Variants in GPC5 observed in about 807,000 individuals in gnomAD.
The protein encoded by GPC5 is glypican 5, also known as glypican-5.
A neutral mutation model predicts 53.9 loss-of-function variants in GPC5; 47 were observed. That is an observed-to-expected ratio of 0.87 (90% CI 0.69 to 1.11). The LOEUF (loss-of-function observed/expected upper bound fraction) is 1.11, where lower values mean the gene tolerates loss of function less well. GPC5 is among the 50% of genes most tolerant of loss of function. The probability of loss-of-function intolerance (pLI) is 0.00; values close to 1 mark genes in which losing one functional copy is unlikely to be tolerated. For missense variants in GPC5, 748 were observed against 713.1 expected (o/e 1.05, Z -0.56); for synonymous variants, 286 against 263.3 (o/e 1.09, Z -0.84).
intron 2 of GPC5, among the ~76,000 whole-genome samples, chr13:91,670,323 G>A (rs901059597): frequency 6.6e-6 from 1 of 152,178 alleles, no homozygotes; most frequent in Non-Finnish European, 1.5e-5. Flanking sequence ...AGAGAATTCA[G>A]TGTTGAGTCT....
chr13:92,094,847 A>G (rs1253059722), intron 6 of GPC5, among the ~76,000 whole-genome samples: 2 of 151,922 alleles, frequency 1.3e-5, no homozygotes, highest in Non-Finnish European at 2.9e-5. Context: ...TATTTTAAAT[A>G]TATTACTATA....
At chr13:91,563,902 A>G (rs768062528) in intron 2 of GPC5, among the ~76,000 whole-genome samples, 1 of 151,838 alleles carries the variant, frequency 6.6e-6, no homozygotes, top group African/African-American at 2.4e-5. Flanking sequence ...GGAGGGTCTT[A>G]CTAGTGTTCC....
intron 3 of GPC5, among the ~76,000 whole-genome samples, chr13:91,720,711 C>A (rs1474825677): frequency 1.3e-5 from 2 of 152,128 alleles, no homozygotes; most frequent in Admixed American, 6.5e-5. Context: ...CCAAATATGT[C>A]CAAGAGAGAC....
At chr13:92,764,464 A>AAG in intron 7 of GPC5, among the ~76,000 whole-genome samples, 1 of 152,210 alleles carries the variant, frequency 6.6e-6, no homozygotes, top group African/African-American at 2.4e-5. Context: ...GACTCGAGGC[A>AAG]GCTCCCTCAA....
At chr13:92,441,639 A>G in intron 7 of GPC5, among the ~76,000 whole-genome samples, 1 of 152,180 alleles carries the variant, frequency 6.6e-6, no homozygotes. Context: ...GAGGGGAAAG[A>G]TCTCTATTAC....
chr13:92,102,256 G>T (rs2041473394), intron 6 of GPC5, among the ~76,000 whole-genome samples: 1 of 152,132 alleles, frequency 6.6e-6, no homozygotes, highest in Admixed American at 6.6e-5. Flanking sequence ...AAGATCTAGA[G>T]TTTTAAAGGA....
At chr13:92,646,869 TCTAA>T (rs36140178) in intron 7 of GPC5, among the ~76,000 whole-genome samples, 84,816 of 150,652 alleles carry the variant, frequency 0.56, 27,493 homozygotes, top group Non-Finnish European at 0.75. Flanking sequence ...AACATATACA[TCTAA>T]CTATCTGTAA....
At chr13:92,327,227 C>CTTTGCAA (rs1342701873) in intron 7 of GPC5, among the ~76,000 whole-genome samples, 17 of 152,136 alleles carry the variant, frequency 1.1e-4, no homozygotes, top group African/African-American at 4.1e-4. Flanking sequence ...GCCAAACGCC[C>CTTTGCAA]AGGTTTAATT....
At chr13:91,947,018 C>G (rs530724282) in intron 6 of GPC5, among the ~76,000 whole-genome samples, 1 of 152,190 alleles carries the variant, frequency 6.6e-6, no homozygotes, top group East Asian at 1.9e-4. Context: ...AGGTTTAACT[C>G]CAGCAGCATT....
chr13:91,457,654 G>A (rs111603125), intron 2 of GPC5, among the ~76,000 whole-genome samples: 3,148 of 152,220 alleles, frequency 0.021, 49 homozygotes, highest in Non-Finnish European at 0.034. Flanking sequence ...AATAGAAAAG[G>A]TAATTAACCA....
At chr13:92,614,428 T>C (rs1197946283) in intron 7 of GPC5, among the ~76,000 whole-genome samples, 1 of 152,144 alleles carries the variant, frequency 6.6e-6, no homozygotes, top group Non-Finnish European at 1.5e-5. Flanking sequence ...AGTTGAACCA[T>C]TTTAAGTCCA....
At chr13:92,420,746 T>C (rs1033321181) in intron 7 of GPC5, among the ~76,000 whole-genome samples, 2 of 152,206 alleles carry the variant, frequency 1.3e-5, no homozygotes, top group South Asian at 4.1e-4. Context: ...CATGAGATGT[T>C]TGTCTTTCTG....
chr13:92,104,014 T>TG, intron 6 of GPC5, among the ~76,000 whole-genome samples: 1 of 152,232 alleles, frequency 6.6e-6, no homozygotes, highest in South Asian at 2.1e-4. Flanking sequence ...TATTAAACCA[T>TG]GATTACTGAT....
At chr13:92,553,450 A>T (rs1287297760) in intron 7 of GPC5, among the ~76,000 whole-genome samples, 2 of 151,990 alleles carry the variant, frequency 1.3e-5, no homozygotes, top group Non-Finnish European at 2.9e-5. Flanking sequence ...GATACCTGGA[A>T]GTAGCCCTTT....
At chr13:92,011,983 G>A (rs1286963171) in intron 6 of GPC5, among the ~76,000 whole-genome samples, 1 of 152,172 alleles carries the variant, frequency 6.6e-6, no homozygotes. Context: ...AACCGGAATG[G>A]GGAAGGTTTG....
At chr13:92,617,887 C>A (rs919991090) in intron 7 of GPC5, among the ~76,000 whole-genome samples, 1 of 152,082 alleles carries the variant, frequency 6.6e-6, no homozygotes, top group East Asian at 1.9e-4. Flanking sequence ...GCACAACGTG[C>A]AGGTTTGTTA....
At chr13:91,942,767 G>T (rs1253987910) in intron 6 of GPC5, among the ~76,000 whole-genome samples, 1 of 152,048 alleles carries the variant, frequency 6.6e-6, no homozygotes, top group Non-Finnish European at 1.5e-5. Flanking sequence ...AAGACAATAA[G>T]TTGGTGCCTT....
intron 1 of GPC5, among the ~76,000 whole-genome samples, chr13:91,445,723 C>T (rs980462011): frequency 6.6e-6 from 1 of 152,160 alleles, no homozygotes; most frequent in East Asian, 1.9e-4. Flanking sequence ...GATCTGCTCA[C>T]CTTGGCCTCC....
At chr13:92,846,444 G>A (rs1314171800) in intron 7 of GPC5, among the ~76,000 whole-genome samples, 1 of 152,056 alleles carries the variant, frequency 6.6e-6, no homozygotes, top group Non-Finnish European at 1.5e-5. Flanking sequence ...GCTAAATTTG[G>A]TATTGTGGAT....
Sources: allele counts gnomAD v4.1 joint callset (sites outside exome capture counted in the v4.1 genomes callset), GRCh38; gene constraint gnomAD v4.1.1; transcripts MANE v1.5; gene names NCBI Gene and HGNC (gene_info 2026-07-23, HGNC 2026-07-21).